Variants in CDK8 observed in about 807,000 individuals in gnomAD.
CDK8 encodes cyclin-dependent kinase 8.
Under a neutral mutation model 71.5 loss-of-function variants are expected in CDK8, and 29 were observed. The ratio of observed to expected loss-of-function variants is 0.41; its 90% CI spans 0.30 to 0.55. The LOEUF is 0.55. CDK8 is among the 20% of genes least tolerant of loss of function. The pLI is 0.37. For synonymous variants in CDK8, 161 were observed against 192.1 expected, an observed-to-expected ratio of 0.84 and a Z score of 1.34; for missense variants, 288 against 572.6, an observed-to-expected ratio of 0.50 and a Z score of 5.07.
At chr13:26,271,352 A>G (rs1424290057) in intron 1 of CDK8, among the ~76,000 whole-genome samples, 1 of 152,206 alleles carries the variant, frequency 6.6e-6, no homozygotes, top group African/African-American at 2.4e-5. Flanking sequence ...TATAGCCTAC[A>G]ACACACCTAG....
At chr13:26,304,263 C>CAA (rs544732146) in intron 1 of CDK8, among the ~76,000 whole-genome samples, 260 of 136,602 alleles carry the variant, frequency 1.9e-3, no homozygotes, top group African/African-American at 6.4e-3. Flanking sequence ...GACTCTGTCT[C>CAA]AAAAAAAAAA....
At chr13:26,271,858 A>AAATT (rs985294099) in intron 1 of CDK8, among the ~76,000 whole-genome samples, 4 of 133,542 alleles carry the variant, frequency 3.0e-5, no homozygotes, top group African/African-American at 1.2e-4. Context: ...AGAGACATAA[A>AAATT]AATTGGTATA....
chr13:26,276,019 C>T lies in CDK8; in HGVS notation c.128+21250C>T, dbSNP rs7997314. On this transcript the variant is annotated intron_variant, in intron 1 of 12. Coordinates refer to ENST00000381527, the MANE Select transcript of CDK8 (RefSeq NM_001260.3). ...CTGGGACTACAGGTGCATGCCACTACGGCCAGCTAATTTTTGTATTTTTAG... is the reference window on the plus strand; with the variant it reads ...CTGGGACTACAGGTGCATGCCACTATGGCCAGCTAATTTTTGTATTTTTAG... Among the ~76,000 whole-genome samples the T allele has an allele frequency of 4.7e-3, 718 of 152,176 alleles. 6 individuals carry two copies. Among genetic ancestry groups the T allele is most frequent in the African/African-American group, 0.016 (663 of 41,522 alleles).
At chr13:26,256,470 CT>C (rs1871529051) in intron 1 of CDK8, among the ~76,000 whole-genome samples, 1 of 152,104 alleles carries the variant, frequency 6.6e-6, no homozygotes, top group African/African-American at 2.4e-5. Flanking sequence ...ATTCTAGCGC[CT>C]TTGCATTATT....
At chr13:26,358,046 A>G (rs1565984589) in intron 4 of CDK8, among the ~76,000 whole-genome samples, 1 of 152,218 alleles carries the variant, frequency 6.6e-6, no homozygotes, top group Non-Finnish European at 1.5e-5. Context: ...TCACGCCTGT[A>G]ATCCCAGCAC....
At chr13:26,316,451 A>T (rs1874518604) in intron 1 of CDK8, among the ~76,000 whole-genome samples, 1 of 152,186 alleles carries the variant, frequency 6.6e-6, no homozygotes, top group Non-Finnish European at 1.5e-5. Context: ...CTTTCCCTCC[A>T]TCTAGAGTCA....
At chr13:26,255,080 T>A (rs1871460138) in intron 1 of CDK8, among the ~76,000 whole-genome samples, 1 of 152,028 alleles carries the variant, frequency 6.6e-6, no homozygotes, top group South Asian at 2.1e-4. Context: ...AACGCCGGGT[T>A]AAATGTTTTT....
chr13:26,304,257 C>CTT (rs766402380), intron 1 of CDK8, among the ~76,000 whole-genome samples: 42 of 148,610 alleles, frequency 2.8e-4, no homozygotes, highest in Non-Finnish European at 5.3e-4. Flanking sequence ...GAGCCAGACT[C>CTT]TGTCTCAAAA....
At chr13:26,369,799 A>G (rs1683378059) in intron 4 of CDK8, among the ~76,000 whole-genome samples, 1 of 138,804 alleles carries the variant, frequency 7.2e-6, no homozygotes, top group South Asian at 2.2e-4. Context: ...CTCCTGATCC[A>G]CCCAGCTCGG....
intron 1 of CDK8, among the ~76,000 whole-genome samples, chr13:26,283,514 A>G (rs1441090259): frequency 5.3e-5 from 8 of 152,098 alleles, no homozygotes; most frequent in Non-Finnish European, 1.2e-4. Flanking sequence ...AGACTGAGGG[A>G]GGAGAATTGC....
In CDK8 at chr13:26,403,962, A is replaced by G. The variant is rs1363438757; in HGVS notation, c.1276A>G (p.Asn426Asp). 1.2e-6 allele frequency: 2 copies of G among 1,612,424 alleles called. No individual in the cohort carries two copies. The highest frequency in any genetic ancestry group is 1.1e-5 in the South Asian group (1 of 91,072). The change falls in exon 13 of 13, where the codon AAT (asparagine) becomes GAT (aspartate). Residue 426 changes from asparagine to aspartate, a missense_variant. Asn to Asp is a conservative substitution (Grantham distance 23). Coordinates refer to ENST00000381527, the MANE Select transcript of CDK8 (RefSeq NM_001260.3). ...LIMTSDYQRS[N>D]PHAAYPNPGP... ...TCCCTCATCTCCTTTCCAGCGTTCC[A>G]ATCCACATGCTGCCTATCCCAACCC...
chr13:26,357,772 C>T (rs1873957118), intron 4 of CDK8, among the ~76,000 whole-genome samples: 1 of 152,174 alleles, frequency 6.6e-6, no homozygotes, highest in Non-Finnish European at 1.5e-5. Context: ...AGCTCTAGTC[C>T]AAAGACAGTC....
At chr13:26,279,621 G>A (rs9578986) in intron 1 of CDK8, among the ~76,000 whole-genome samples, 3,483 of 152,108 alleles carry the variant, frequency 0.023, 135 homozygotes, top group African/African-American at 0.08. Flanking sequence ...TGGTAGTGGC[G>A]TAGGGATTCA....
intron 1 of CDK8, among the ~76,000 whole-genome samples, chr13:26,261,031 GC>G (rs1276516701): frequency 6.6e-6 from 1 of 152,110 alleles, no homozygotes; most frequent in Non-Finnish European, 1.5e-5. Context: ...AGATTACGTA[GC>G]CTTGGTCATG....
Position 26,267,306 on chromosome 13 carries a change from A to C in CDK8, c.128+12537A>C, listed in dbSNP as rs549115498. Among the ~76,000 whole-genome samples the C allele has an allele frequency of 1.2e-4, 19 of 152,342 alleles. 1 individual carries two copies. Among genetic ancestry groups the C allele is most frequent in the African/African-American group, 4.6e-4 (19 of 41,584 alleles). On this transcript the variant is annotated intron_variant, in intron 1 of 12. Coordinates refer to ENST00000381527, the MANE Select transcript of CDK8 (RefSeq NM_001260.3). Reference sequence around the variant, plus strand: ...AGTAGAATTTCAGGTCAAAGGTCATATACTTTCAACAACTATATTTCATTA... The same window carrying C: ...AGTAGAATTTCAGGTCAAAGGTCATCTACTTTCAACAACTATATTTCATTA...
At chr13:26,324,347 A>G (rs1297932953) in intron 1 of CDK8, among the ~76,000 whole-genome samples, 1 of 152,180 alleles carries the variant, frequency 6.6e-6, no homozygotes, top group East Asian at 1.9e-4. Context: ...ACGGGGTAGA[A>G]AGTAGCTTTG....
At chr13:26,318,572 G>A (rs1255355916) in intron 1 of CDK8, among the ~76,000 whole-genome samples, 1 of 152,022 alleles carries the variant, frequency 6.6e-6, no homozygotes, top group Non-Finnish European at 1.5e-5. Flanking sequence ...GTGTTAATGG[G>A]ATTATATTCT....
chr13:26,348,403 G>T (rs1188878310), intron 2 of CDK8, among the ~76,000 whole-genome samples: 2 of 152,182 alleles, frequency 1.3e-5, no homozygotes, highest in Non-Finnish European at 2.9e-5. Flanking sequence ...CCTCCTGTCA[G>T]ATTAGCAGTG....
intron 3 of CDK8, among the ~76,000 whole-genome samples, chr13:26,353,235 C>G (rs1022963061): frequency 1.3e-5 from 2 of 152,068 alleles, no homozygotes; most frequent in African/African-American, 4.8e-5. Context: ...CAGAATCTTT[C>G]CCATTTTTAC....
Sources: gnomAD v4.1 joint callset for allele counts (sites outside exome capture counted in the v4.1 genomes callset) on GRCh38, gnomAD v4.1.1 for gene constraint, MANE v1.5 for transcripts, NCBI Gene and HGNC (gene_info 2026-07-23, HGNC 2026-07-21) for gene names.